The following CCDC3 variants were observed in gnomAD, a reference collection of about 807,000 sequenced individuals.
CCDC3 encodes the protein coiled-coil domain-containing protein 3.
A neutral mutation model predicts 21.4 loss-of-function variants in CCDC3; 24 were observed. The ratio of observed to expected loss-of-function variants is 1.12; its 90% confidence interval spans 0.81 to 1.58. The LOEUF (loss-of-function observed/expected upper bound fraction) is 1.58. Among genes scored for constraint, CCDC3 ranks in the 40% most tolerant of loss-of-function variants. The pLI is 0.00. For synonymous variants in CCDC3, 186 were observed against 166.0 expected, an observed-to-expected ratio of 1.12 and a Z score of -0.93; for missense variants, 425 against 360.9, an observed-to-expected ratio of 1.18 and a Z score of -1.44.
intron 5 of CCDC3, among the ~76,000 whole-genome samples, chr10:13,024,619 A>G (rs901614153): frequency 2.0e-5 from 3 of 152,222 alleles, no homozygotes; most frequent in Non-Finnish European, 2.9e-5. Context: ...CAAACACAGC[A>G]AATTATAGCT....
chr10:13,088,630 G>A (rs1837141061), intron 3 of CCDC3, among the ~76,000 whole-genome samples: 1 of 152,240 alleles, frequency 6.6e-6, no homozygotes, highest in Admixed American at 6.5e-5. Flanking sequence ...CCGCTCACCT[G>A]CCTGCCCTGT....
chr10:13,040,353 A>C (rs1836436098), intron 5 of CCDC3, among the ~76,000 whole-genome samples: 3 of 152,220 alleles, frequency 2.0e-5, no homozygotes, highest in Non-Finnish European at 4.4e-5. Flanking sequence ...GACAAAAGGA[A>C]GTGAGCCTTA....
At chr10:12,910,234 G>A (rs955299120) in intron 2 of CCDC3, among the ~76,000 whole-genome samples, 4 of 152,234 alleles carry the variant, frequency 2.6e-5, no homozygotes, top group African/African-American at 9.6e-5. Context: ...AGCTGTGGGT[G>A]CAATTTAGCA....
intron 4 of CCDC3, among the ~76,000 whole-genome samples, chr10:13,052,938 T>TCACA (rs56261341): frequency 0.017 from 2,240 of 134,374 alleles, 26 homozygotes; most frequent in Middle Eastern, 0.022. Flanking sequence ...TGAGACTCTG[T>TCACA]CACACACACA....
At chr10:12,947,819 G>A (rs765195184) in intron 2 of CCDC3, among the ~76,000 whole-genome samples, 15 of 152,148 alleles carry the variant, frequency 9.9e-5, no homozygotes, top group Non-Finnish European at 1.3e-4. Context: ...CCTTACCAAC[G>A]GGTCAGGTAT....
intron 3 of CCDC3, among the ~76,000 whole-genome samples, chr10:13,077,191 C>T (rs1564341461): frequency 6.6e-6 from 1 of 152,194 alleles, no homozygotes; most frequent in Admixed American, 6.5e-5. Context: ...GTGCAAAAAT[C>T]ACAAGCATTC....
intron 2 of CCDC3, among the ~76,000 whole-genome samples, chr10:12,997,856 T>C (rs1284642108): frequency 6.6e-6 from 1 of 152,196 alleles, no homozygotes; most frequent in Admixed American, 6.5e-5. Flanking sequence ...TTGGGCCCCA[T>C]TGGAAGAAGA....
intron 2 of CCDC3, among the ~76,000 whole-genome samples, chr10:12,937,742 C>G (rs1306617888): frequency 2.0e-5 from 3 of 152,188 alleles, no homozygotes; most frequent in Non-Finnish European, 2.9e-5. Flanking sequence ...GCAGGCATGG[C>G]TAAGAGAAAG....
chr10:13,093,023 C>T (rs1371238370), intron 3 of CCDC3, among the ~76,000 whole-genome samples: 4 of 132,924 alleles, frequency 3.0e-5, no homozygotes, highest in Admixed American at 8.2e-5. Context: ...ATGAACCCCT[C>T]ACCTTTTTTT....
chr10:13,079,384 G>A (rs529529423), intron 3 of CCDC3, among the ~76,000 whole-genome samples: 5 of 152,184 alleles, frequency 3.3e-5, no homozygotes, highest in Admixed American at 6.5e-5. Flanking sequence ...GGATCCTCAC[G>A]TACCACGTGG....
chr10:12,967,170 TG>T (rs1835274072), intron 2 of CCDC3, among the ~76,000 whole-genome samples: 1 of 152,230 alleles, frequency 6.6e-6, no homozygotes, highest in Non-Finnish European at 1.5e-5. Context: ...TATTGACTTT[TG>T]TGCCATTCCA....
At chr10:13,056,249 G>A (rs1375778196) in intron 4 of CCDC3, among the ~76,000 whole-genome samples, 2 of 152,162 alleles carry the variant, frequency 1.3e-5, no homozygotes, top group African/African-American at 2.4e-5. Context: ...AGGTCAATTT[G>A]GGCACTGACA....
intron 2 of CCDC3, among the ~76,000 whole-genome samples, chr10:12,931,586 C>T (rs1316672916): frequency 2.6e-5 from 4 of 152,210 alleles, no homozygotes; most frequent in Non-Finnish European, 2.9e-5. Flanking sequence ...TGGCAGAGGC[C>T]GTGGCTACCC....
At chr10:13,020,892 A>G (rs1464655978) in intron 5 of CCDC3, among the ~76,000 whole-genome samples, 1 of 152,234 alleles carries the variant, frequency 6.6e-6, no homozygotes, top group Non-Finnish European at 1.5e-5. Context: ...ATTAAAAACA[A>G]TAATGAATAA....
intron 2 of CCDC3, among the ~76,000 whole-genome samples, chr10:12,901,463 T>C (rs1834090518): frequency 6.6e-6 from 1 of 151,976 alleles, no homozygotes; most frequent in Non-Finnish European, 1.5e-5. Flanking sequence ...TTTGTAGAGA[T>C]GGGGTTTCAC....
chr10:12,981,223 A>G (rs1192063886), intron 2 of CCDC3, among the ~76,000 whole-genome samples: 1 of 127,600 alleles, frequency 7.8e-6, no homozygotes, highest in Non-Finnish European at 1.6e-5. Context: ...ACAGTTGGCC[A>G]GACAGGAGTG....
At position 13,001,679 on chromosome 10, in the gene CCDC3, G is replaced by A. The variant is rs1332655780; in HGVS notation, c.-109C>T. On this transcript the variant is annotated 5_prime_UTR_variant, in exon 1 of 3. Transcript: ENST00000378825. Reference sequence around the variant, plus strand: ...GCTGCTCGGGCCGCTCCCGGGAGCTGAGCGCACCGCTGTCTCCGCCACGGG... The same window carrying A: ...GCTGCTCGGGCCGCTCCCGGGAGCTAAGCGCACCGCTGTCTCCGCCACGGG... The A allele has an allele frequency of 4.2e-6, 3 of 721,632 alleles. No individual in the cohort carries two copies. Among genetic ancestry groups the A allele is most frequent in the African/African-American group, 3.8e-5 (2 of 52,426 alleles). 44.7% of individuals were successfully genotyped at this position (721,632 alleles called of 1,614,324 possible). A position where few individuals can be genotyped will look rare whatever the true frequency, so the allele number is the denominator to read the frequency against.
At chr10:13,047,919 G>A (rs1003184130) in intron 5 of CCDC3, among the ~76,000 whole-genome samples, 1 of 152,136 alleles carries the variant, frequency 6.6e-6, no homozygotes, top group Non-Finnish European at 1.5e-5. Context: ...CTCCAAAGAC[G>A]ATTTTGAGGG....
chr10:13,022,464 C>T (rs1836158689), intron 5 of CCDC3, among the ~76,000 whole-genome samples: 1 of 152,174 alleles, frequency 6.6e-6, no homozygotes. Flanking sequence ...AGAAAGCCCA[C>T]CATCAGCTGA....
Sources: allele counts gnomAD v4.1 joint callset (sites outside exome capture counted in the v4.1 genomes callset), GRCh38; gene constraint gnomAD v4.1.1; transcripts MANE v1.5; gene names NCBI Gene and HGNC (gene_info 2026-07-23, HGNC 2026-07-21).